Variants in RNF217 observed in about 807,000 individuals in gnomAD.
RNF217 encodes the protein E3 ubiquitin-protein ligase RNF217.
In RNF217, 31 loss-of-function variants were observed where a neutral mutation model predicts 57.8. The ratio of observed to expected loss-of-function variants is 0.54; its 90% CI spans 0.40 to 0.72. The LOEUF (loss-of-function observed/expected upper bound fraction) is 0.72, where lower values mean the gene tolerates loss of function less well. Ranked by LOEUF, RNF217 falls within the 30% of genes least tolerant of loss-of-function variation. RNF217 has a pLI of 0.00. For synonymous variants in RNF217, 313 were observed against 294.0 expected, an observed-to-expected ratio of 1.06 and a Z score of -0.66; for missense variants, 696 against 708.3, an observed-to-expected ratio of 0.98 and a Z score of 0.20.
intron 2 of RNF217, among the ~76,000 whole-genome samples, chr6:125,046,425 T>C (rs1351934900): frequency 6.6e-6 from 1 of 152,002 alleles, no homozygotes; most frequent in African/African-American, 2.4e-5. Context: ...CAGCCCTGAT[T>C]GTATATTAGA....
chr6:125,045,520 C>A, intron 2 of RNF217, 76 bp downstream of exon 2: 1 of 1,038,846 alleles, frequency 9.6e-7, no homozygotes, highest in Non-Finnish European at 1.4e-6. Context: ...TTGTCGTGGG[C>A]ATTAAGGGGG....
At chr6:125,049,644 A>G (rs1028951490) in intron 2 of RNF217, among the ~76,000 whole-genome samples, 2 of 132,378 alleles carry the variant, frequency 1.5e-5, no homozygotes, top group African/African-American at 8.3e-5. Flanking sequence ...AAATGAAATC[A>G]CACATATAAA....
intron 1 of RNF217, among the ~76,000 whole-genome samples, chr6:125,018,868 C>T (rs1372062389): frequency 1.3e-5 from 2 of 152,076 alleles, no homozygotes; most frequent in Non-Finnish European, 2.9e-5. Context: ...ATGCACCATA[C>T]TGAAAGTAGG....
At chr6:125,061,742 A>G (rs1310094908) in intron 3 of RNF217, among the ~76,000 whole-genome samples, 1 of 151,870 alleles carries the variant, frequency 6.6e-6, no homozygotes, top group African/African-American at 2.4e-5. Context: ...CATATGTCGT[A>G]TGAACACATA....
chr6:125,008,735 T>C (rs1785294536), intron 1 of RNF217: 1 of 129,766 alleles, frequency 7.7e-6, no homozygotes, highest in Non-Finnish European at 1.6e-5. Context: ...TCCCAGGGGC[T>C]ACCTTTTTTT....
At chr6:125,033,656 T>C (rs1335120968) in intron 1 of RNF217, among the ~76,000 whole-genome samples, 23 of 150,954 alleles carry the variant, frequency 1.5e-4, no homozygotes, top group African/African-American at 3.2e-4. Flanking sequence ...AATAAACATA[T>C]GTGTGCATGT....
chr6:125,052,252 A>G (rs1051540871), intron 2 of RNF217, among the ~76,000 whole-genome samples: 1 of 151,370 alleles, frequency 6.6e-6, no homozygotes, highest in Non-Finnish European at 1.5e-5. Context: ...AATAAGCACC[A>G]TATCTCAATA....
intron 1 of RNF217, among the ~76,000 whole-genome samples, chr6:125,018,810 A>G (rs1310436537): frequency 6.6e-6 from 1 of 152,090 alleles, no homozygotes; most frequent in Non-Finnish European, 1.5e-5. Flanking sequence ...TCCCAGAGTA[A>G]TGAAGACTGG....
At chr6:124,964,075 A>G (rs1414430695) in intron 1 of RNF217, among the ~76,000 whole-genome samples, 1 of 152,224 alleles carries the variant, frequency 6.6e-6, no homozygotes. Flanking sequence ...CAGAACAAGC[A>G]CTGGTGAAAC....
chr6:125,071,538 A>G lies in RNF217; in HGVS notation c.1282-5119A>G, dbSNP rs562319032. 1.4e-3 allele frequency among the ~76,000 whole-genome samples: 113 copies of G among 80,560 alleles called. 2 individuals carry two copies. In the East Asian group the frequency reaches 0.026, roughly 19 times the overall value. 52.9% of individuals were successfully genotyped at this position (80,560 alleles called of 152,430 possible). On this transcript the variant is annotated intron_variant, in intron 3 of 5. Coordinates refer to ENST00000521654, the MANE Select transcript of RNF217 (RefSeq NM_001286398.3). ...TGTGTGTGTGTGTGTGTGTGTGTGT[A>G]TATCTTATTACAGGTTTTAATCCAT...
chr6:124,988,892 A>G (rs1784452057), intron 1 of RNF217, among the ~76,000 whole-genome samples: 1 of 152,226 alleles, frequency 6.6e-6, no homozygotes, highest in South Asian at 2.1e-4. Context: ...GTTGACATGT[A>G]AAGAGCCAAG....
At chr6:125,024,775 T>C (rs917208771) in intron 1 of RNF217, among the ~76,000 whole-genome samples, 1 of 148,702 alleles carries the variant, frequency 6.7e-6, no homozygotes. Flanking sequence ...TGGGAAGTGA[T>C]GAGTTTGTTT....
In RNF217 at chr6:125,083,771, CA is replaced by C. The variant is rs1788686877; in HGVS notation, c.*837del. 1 of 152,030 alleles carries C rather than the reference CA, an allele frequency of 6.6e-6. No homozygotes were observed. The highest frequency in any genetic ancestry group is 2.4e-5 in the African/African-American group (1 of 41,424). 9.4% of individuals were successfully genotyped at this position (152,030 alleles called of 1,614,324 possible). A position where few individuals can be genotyped will look rare whatever the true frequency, so the allele number is the denominator to read the frequency against. On this transcript the variant is annotated 3_prime_UTR_variant, in exon 6 of 6. Coordinates refer to ENST00000521654, the MANE Select transcript of RNF217 (RefSeq NM_001286398.3). ...TTTCTTGCTCTTTCTTTTTGTCACA[CA>C]AACACAGAAATTTGTGCAACGTCAC... is the stretch of plus-strand genomic sequence containing the variant.
chr6:125,006,684 C>T (rs1468839018), intron 1 of RNF217, among the ~76,000 whole-genome samples: 7 of 152,184 alleles, frequency 4.6e-5, no homozygotes, highest in Admixed American at 2.0e-4. Flanking sequence ...TGTGGTGGCT[C>T]ATGCCTGTAA....
chr6:125,029,375 G>C (rs1372077861), intron 1 of RNF217, among the ~76,000 whole-genome samples: 3 of 151,980 alleles, frequency 2.0e-5, no homozygotes, highest in Non-Finnish European at 4.4e-5. Context: ...AGGAAAATAT[G>C]GTTCCTCTAC....
In RNF217 at chr6:124,963,198, C is replaced by G; in HGVS notation, c.654C>G (p.Pro218=). Residue 218 remains proline (P), a synonymous_variant, in exon 1 of 6, where the codon CCC becomes CCG. Coordinates refer to ENST00000521654, the MANE Select transcript of RNF217 (RefSeq NM_001286398.3). ...CCCTCCCAACGGATTCCCTCTCCCCCGACGGCGGCAGCATCGAGCTGGAGT... is the reference window on the plus strand; with the variant it reads ...CCCTCCCAACGGATTCCCTCTCCCCGGACGGCGGCAGCATCGAGCTGGAGT... ...RLSLPTDSLS[P]DGGSIELEFY... is the part of the protein sequence containing the mutation. 1.3e-6 allele frequency: 2 copies of G among 1,536,094 alleles called. No homozygotes were observed. Among genetic ancestry groups the G allele is most frequent in the Non-Finnish European group, 1.7e-6 (2 of 1,146,900 alleles).
rs1303726619 is a variant in RNF217 at position 124,962,792 on chromosome 6, C to G, written c.248C>G (p.Ala83Gly). ...CCCCCGGGCTGGAGTAAGAGCCGAG[C>G]ACCGGCGCAGCCTGCGGGACTGGCA... is the stretch of plus-strand genomic sequence containing the variant. ...LGPPGWSKSR[A>G]PAQPAGLALT... The change falls in exon 1 of 6, where the codon GCA becomes GGA. Residue 83 changes from alanine (A) to glycine (G), a missense_variant. Around this residue, in one of 2 missense-constraint regions of RNF217, gnomAD observed 465 missense variants for 386.8 expected, o/e 1.20. Coordinates refer to ENST00000521654, the MANE Select transcript of RNF217 (RefSeq NM_001286398.3). The surrounding 1 kb of genome is among the most constrained non-coding windows in gnomAD (Gnocchi z 4.6). 6.3e-7 allele frequency: 1 copy of G among 1,597,186 alleles called. No individual in the cohort carries two copies. The highest frequency in any genetic ancestry group is 8.5e-7 in the Non-Finnish European group (1 of 1,179,516).
chr6:125,007,394 C>T (rs556979726), intron 1 of RNF217, among the ~76,000 whole-genome samples: 22 of 151,680 alleles, frequency 1.5e-4, no homozygotes, highest in East Asian at 3.9e-4. Context: ...TATAGGCATG[C>T]GCCACCAAGC....
chr6:125,074,554 CA>C (rs35017427), intron 3 of RNF217, among the ~76,000 whole-genome samples: 6 of 152,096 alleles, frequency 3.9e-5, no homozygotes, highest in African/African-American at 1.2e-4. Flanking sequence ...TTAGGAACTT[CA>C]AAAACTTTTT....
Sources: allele counts gnomAD v4.1 joint callset (sites outside exome capture counted in the v4.1 genomes callset), GRCh38; gene constraint gnomAD v4.1.1; regional missense constraint gnomAD v4.1.1; non-coding constraint Gnocchi (gnomAD v3.1); transcripts MANE v1.5; gene names NCBI Gene and HGNC (gene_info 2026-07-23, HGNC 2026-07-21).